SPRY1: variants seen among roughly 807,000 people sequenced by gnomAD.
SPRY1 encodes the protein protein sprouty homolog 1.
SPRY1 carries 20 observed loss-of-function variants against 22.6 expected under a neutral mutation model. The ratio of observed to expected loss-of-function variants is 0.89; its 90% CI spans 0.62 to 1.29. SPRY1 has a LOEUF of 1.29. Ranked by LOEUF, SPRY1 falls within the 50% of genes most tolerant of loss-of-function variation. SPRY1 has a pLI of 0.00. For missense variants in SPRY1, 446 were observed against 387.7 expected, an observed-to-expected ratio of 1.15 and a Z score of -1.26; for synonymous variants, 155 against 144.7, an observed-to-expected ratio of 1.07 and a Z score of -0.51.
In SPRY1 at chr4:123,402,505, G is replaced by T. The variant is rs771387469; in HGVS notation, c.914G>T (p.Cys305Phe). 1.7e-5 allele frequency: 27 copies of T among 1,613,930 alleles called. No individual in the cohort carries two copies. The Admixed American group carries it at 3.5e-4, about 21-fold the overall frequency. Reference sequence around the variant, plus strand: ...TGTAAGAACTCCAACACTGTCTATTGTAAGCTGGAGAGCTGCCCCTCCCGG... The same window carrying T: ...TGTAAGAACTCCAACACTGTCTATTTTAAGCTGGAGAGCTGCCCCTCCCGG... The part of the protein sequence containing the change: ...CRCKNSNTVY[C>F]KLESCPSRGQ... Residue 305 changes from cysteine to phenylalanine, a missense_variant, in exon 3 of 3, where the codon TGT becomes TTT. Cys to Phe is a radical substitution (Grantham distance 205, BLOSUM62 -2). Transcript: ENST00000651917.
intron 2 of SPRY1, among the ~76,000 whole-genome samples, chr4:123,398,808 G>A (rs1237393054): frequency 6.6e-6 from 1 of 152,184 alleles, no homozygotes; most frequent in Non-Finnish European, 1.5e-5. Flanking sequence ...GCGGCGGCGC[G>A]GTGGCCCAGG....
In SPRY1 at chr4:123,402,847, A is replaced by G; in HGVS notation, c.*296A>G. On this transcript the variant is annotated 3_prime_UTR_variant, in exon 3 of 3. Transcript: ENST00000651917. ...CTTTTTGTTCTGCAAGCAACTTTCT[A>G]AAGTTGTGTACATGAACATACACCC... is the stretch of plus-strand genomic sequence containing the variant. 3 of 514,928 alleles carry G rather than the reference A, an allele frequency of 5.8e-6. No homozygotes were observed. The highest frequency in any genetic ancestry group is 7.0e-6 in the Non-Finnish European group (2 of 286,794). The allele number at this position is 514,928 out of a possible 1,614,324, so 31.9% of individuals were successfully genotyped here.
rs1251466254 is a variant in SPRY1 at position 123,401,616 on chromosome 4, A to G, written c.25A>G (p.Ser9Gly). 1 of 1,614,116 alleles carries G rather than the reference A, an allele frequency of 6.2e-7. No individual in the cohort carries two copies. The highest frequency in any genetic ancestry group is 8.5e-7 in the Non-Finnish European group (1 of 1,180,056). MDPQNQHG[S>G]GSSLVVIQQP... is the part of the protein sequence containing the mutation. ...CATGGATCCCCAAAATCAACATGGC[A>G]GTGGCAGTTCGTTAGTTGTGATCCA... Residue 9 changes from serine (S) to glycine (G), a missense_variant, in exon 3 of 3, where the codon AGT becomes GGT. Coordinates refer to ENST00000651917, the MANE Select transcript of SPRY1 (RefSeq NM_001258038.2).
intron 1 of SPRY1, among the ~76,000 whole-genome samples, 198 bp from the exon 2 acceptor site, chr4:123,397,413 C>CAA (rs960328130): frequency 5.3e-5 from 8 of 152,154 alleles, no homozygotes; most frequent in Admixed American, 1.3e-4. Flanking sequence ...AGCACCTCGG[C>CAA]AAAAACGTGC....
At chr4:123,400,247 A>G (rs1367266011) in intron 2 of SPRY1, 1 of 152,216 alleles carries the variant, frequency 6.6e-6, no homozygotes, top group African/African-American at 2.4e-5. Flanking sequence ...GAAACTCGAG[A>G]GAGCTGAGTT....
In SPRY1 at chr4:123,401,992, G is replaced by A; in HGVS notation, c.401G>A (p.Gly134Glu). The A allele has an allele frequency of 6.2e-7, 1 of 1,614,180 alleles. No homozygotes were observed. The highest frequency in any genetic ancestry group is 8.5e-7 in the Non-Finnish European group (1 of 1,180,038). The change falls in exon 3 of 3, where the codon GGA becomes GAA. Residue 134 changes from glycine (G) to glutamate (E), a missense_variant. Transcript: ENST00000651917. ...AACAGCAGTGCCTCTTCTGAACAGG[G>A]ACTGTTAGGAAGGTCACCACCAACC... The part of the protein sequence containing the change: ...GSNSSASSEQ[G>E]LLGRSPPTRP...
At position 123,401,859 on chromosome 4, in the gene SPRY1, G is replaced by C; in HGVS notation, c.268G>C (p.Glu90Gln). Residue 90 changes from glutamate to glutamine, a missense_variant, in exon 3 of 3, where the codon GAG (glutamate) becomes CAG (glutamine). Glu to Gln is a conservative substitution (Grantham distance 29). Coordinates refer to ENST00000651917, the MANE Select transcript of SPRY1 (RefSeq NM_001258038.2). ...ACCAATTAATGTGAATAATAACTAC[G>C]AGCACAGACACACAAGCCACCTGGG... ...IIPINVNNNYEHRHTSHLGHA... is the reference protein window; with the variant it reads ...IIPINVNNNYQHRHTSHLGHA... 1 of 1,614,128 alleles carries C rather than the reference G, an allele frequency of 6.2e-7. No homozygotes were observed. The highest frequency in any genetic ancestry group is 1.1e-5 in the South Asian group (1 of 91,076).
intron 2 of SPRY1, among the ~76,000 whole-genome samples, chr4:123,401,248 A>G (rs1431315751): frequency 6.6e-5 from 10 of 152,210 alleles, no homozygotes; most frequent in Non-Finnish European, 4.4e-5. Flanking sequence ...TATTAGATTC[A>G]CAAACAGGAA....
At position 123,402,477 on chromosome 4, in the gene SPRY1, AG is replaced by A; in HGVS notation, c.887del (p.Arg296AsnfsTer80). 1 of 1,614,160 alleles carries A rather than the reference AG, an allele frequency of 6.2e-7. No individual in the cohort carries two copies. The highest frequency in any genetic ancestry group is 8.5e-7 in the Non-Finnish European group (1 of 1,180,034). ...TGACTGGATCCATCGCCCAGGGTGC[AG>A]ATGTAAGAACTCCAACACTGTCTAT... is the stretch of plus-strand genomic sequence containing the variant. ...CYDWIHRPGC[R>X]CKNSNTVYCK... On this transcript the variant is annotated frameshift_variant, in exon 3 of 3. Transcript: ENST00000651917. LOFTEE classifies it high-confidence loss of function.
Position 123,403,254 on chromosome 4 carries a change from C to T in SPRY1, c.*703C>T, listed in dbSNP as rs1224845802. 1.2e-5 allele frequency: 2 copies of T among 167,810 alleles called. No homozygotes were observed. Among genetic ancestry groups the T allele is most frequent in the East Asian group, 1.9e-4 (1 of 5,222 alleles). 10.4% of individuals were successfully genotyped at this position (167,810 alleles called of 1,614,324 possible). A position where few individuals can be genotyped will look rare whatever the true frequency, so the allele number is the denominator to read the frequency against. ...CCTTGCCCATCTTCACTCTAGCCTT[C>T]GTATTTGTGAAGGACTCAGCCACCT... On this transcript the variant is annotated 3_prime_UTR_variant, in exon 3 of 3. Transcript: ENST00000651917.
At chr4:123,397,207 T>A (rs1724946115) in intron 1 of SPRY1, among the ~76,000 whole-genome samples, 1 of 152,202 alleles carries the variant, frequency 6.6e-6, no homozygotes, top group Admixed American at 6.5e-5. Context: ...CACAGAGCCG[T>A]TAATGCCTTT....
intron 2 of SPRY1, among the ~76,000 whole-genome samples, chr4:123,400,718 C>T (rs1725110823): frequency 6.6e-6 from 1 of 152,120 alleles, no homozygotes; most frequent in Admixed American, 6.5e-5. Flanking sequence ...GCCAGGATTT[C>T]CCTACACTGC....
Position 123,403,282 on chromosome 4 carries a change from C to T in SPRY1, c.*731C>T, listed in dbSNP as rs1483105766. 2.4e-5 allele frequency: 4 copies of T among 167,362 alleles called. No individual in the cohort carries two copies. The South Asian group carries it at 8.3e-4, about 35-fold the overall frequency. 10.4% of individuals were successfully genotyped at this position (167,362 alleles called of 1,614,324 possible). A position where few individuals can be genotyped will look rare whatever the true frequency, so the allele number is the denominator to read the frequency against. Reference sequence around the variant, plus strand: ...ATTTGTGAAGGACTCAGCCACCTTCCTTCTTCACCCCATGCTTCTCACCAA... The same window carrying T: ...ATTTGTGAAGGACTCAGCCACCTTCTTTCTTCACCCCATGCTTCTCACCAA... On this transcript the variant is annotated 3_prime_UTR_variant, in exon 3 of 3. Coordinates refer to ENST00000651917, the MANE Select transcript of SPRY1 (RefSeq NM_001258038.2).
chr4:123,399,814 G>A (rs1320237667), intron 2 of SPRY1: 3 of 152,346 alleles, frequency 2.0e-5, no homozygotes, highest in East Asian at 3.9e-4. Flanking sequence ...TTCCATTCGC[G>A]TTTTCTTGGG....
At position 123,402,332 on chromosome 4, in the gene SPRY1, C is replaced by T. The variant is rs759052208; in HGVS notation, c.741C>T (p.Ser247=). Residue 247 remains serine, a synonymous_variant, in exon 3 of 3, where the codon TCC becomes TCT. Coordinates refer to ENST00000651917, the MANE Select transcript of SPRY1 (RefSeq NM_001258038.2). ...ATTCCTATTCAGATAATCCTTGCTC[C>T]TGTTCACAATCACACTGCTGCTCTA... ...EGDSYSDNPC[S]CSQSHCCSRY... is the part of the protein sequence containing the mutation. 3.1e-6 allele frequency: 5 copies of T among 1,614,220 alleles called. No individual in the cohort carries two copies. The highest frequency in any genetic ancestry group is 3.4e-6 in the Non-Finnish European group (4 of 1,180,038).
rs745654554 is a variant in SPRY1 at position 123,401,787 on chromosome 4, C to T, written c.196C>T (p.Arg66Trp). ...GPSVVKRPAPRTAPRQEKHER... is the reference protein window; with the variant it reads ...GPSVVKRPAPWTAPRQEKHER... The stretch of plus-strand genomic sequence containing the variant: ...TTCGGTGGTGAAAAGACCTGCTCCT[C>T]GGACAGCACCAAGACAAGAAAAGCA... Residue 66 changes from arginine (R) to tryptophan (W), a missense_variant, in exon 3 of 3, where the codon CGG becomes TGG. Coordinates refer to ENST00000651917, the MANE Select transcript of SPRY1 (RefSeq NM_001258038.2). The T allele has an allele frequency of 1.2e-5, 19 of 1,614,066 alleles. No individual in the cohort carries two copies. Among genetic ancestry groups the T allele is most frequent in the African/African-American group, 2.7e-5 (2 of 74,908 alleles).
Position 123,402,027 on chromosome 4 carries a change from C to A in SPRY1, c.436C>A (p.Pro146Thr), listed in dbSNP as rs767775969. The A allele has an allele frequency of 6.2e-7, 1 of 1,614,080 alleles. No individual in the cohort carries two copies. ...LGRSPPTRPV[P>T]GHRSERAIRT... ...AAGGTCACCACCAACCAGACCAGTCCCTGGTCATAGGTCTGAAAGGGCAAT... is the reference window on the plus strand; with the variant it reads ...AAGGTCACCACCAACCAGACCAGTCACTGGTCATAGGTCTGAAAGGGCAAT... Residue 146 changes from proline (P) to threonine (T), a missense_variant, in exon 3 of 3, where the codon CCT becomes ACT. Coordinates refer to ENST00000651917, the MANE Select transcript of SPRY1 (RefSeq NM_001258038.2).
chr4:123,399,342 C>CTCCA (rs1244566009), intron 2 of SPRY1, among the ~76,000 whole-genome samples: 2 of 151,712 alleles, frequency 1.3e-5, no homozygotes, highest in Non-Finnish European at 2.9e-5. Context: ...CGCCACTGCA[C>CTCCA]TCCAGCCTGG....
intron 1 of SPRY1, 68 bp from the exon 2 acceptor site, chr4:123,397,543 C>G (rs1363909959): frequency 1.3e-5 from 2 of 152,280 alleles, no homozygotes; most frequent in East Asian, 3.9e-4. Flanking sequence ...GCCAGCGGCC[C>G]GCCCGGGGTC....
Sources: gnomAD v4.1 joint callset for allele counts (sites outside exome capture counted in the v4.1 genomes callset) on GRCh38, gnomAD v4.1.1 for gene constraint, MANE v1.5 for transcripts, NCBI Gene and HGNC (gene_info 2026-07-23, HGNC 2026-07-21) for gene names.